CFAP65: variants seen among roughly 807,000 people sequenced by gnomAD.
CFAP65 encodes cilia- and flagella-associated protein 65.
Under a neutral mutation model 208.0 loss-of-function variants are expected in CFAP65, and 155 were observed. The ratio of observed to expected loss-of-function variants is 0.75; its 90% CI spans 0.65 to 0.85. CFAP65 has a LOEUF of 0.85. CFAP65 is among the 40% of genes least tolerant of loss of function. CFAP65 has a pLI of 0.00. For synonymous variants in CFAP65, 970 were observed against 986.3 expected (o/e 0.98, Z 0.31); for missense variants, 2,294 against 2,451.3 (o/e 0.94, Z 1.36).
At position 219,023,056 on chromosome 2, in the gene CFAP65, G is replaced by A. The variant is rs1421903268; in HGVS notation, c.2820+151C>T. On this transcript the variant is annotated intron_variant, in intron 16 of 34. Transcript: ENST00000341552. ...ATTTGTAAAATGGTGGGGGGATGGT[G>A]AGGGTAATAATAACACCTCATCGCC... The A allele has an allele frequency of 7.4e-6, 5 of 674,248 alleles. No homozygotes were observed. In the African/African-American group the frequency reaches 9.1e-5, roughly 12 times the overall value. 41.8% of individuals were successfully genotyped at this position (674,248 alleles called of 1,614,324 possible).
chr2:219,022,092 G>A (rs189093295), intron 17 of CFAP65, 79 bp downstream of exon 17: 35 of 1,513,304 alleles, frequency 2.3e-5, no homozygotes, highest in Non-Finnish European at 2.9e-5. Flanking sequence ...CTCCCACCTT[G>A]GGAGGTTCCC....
intron 13 of CFAP65, 68 bp downstream of exon 13, chr2:219,027,582 C>T: frequency 6.2e-7 from 1 of 1,613,162 alleles, no homozygotes; most frequent in Non-Finnish European, 8.5e-7. Context: ...CACTTCCTGC[C>T]ACCCCACCAA....
intron 13 of CFAP65, chr2:219,027,007 T>C: frequency 1.0e-6 from 1 of 993,046 alleles, no homozygotes; most frequent in African/African-American, 1.7e-5. Context: ...ACATAGCTGG[T>C]AAGTGACCCT....
rs141456868 is a variant in CFAP65 at position 219,026,093 on chromosome 2, G to A, written c.2278C>T (p.Arg760Trp). The change falls in exon 14 of 35, where the codon CGG (arginine) becomes TGG (tryptophan). Residue 760 changes from arginine (R) to tryptophan (W), a missense_variant. Coordinates refer to ENST00000341552, the MANE Select transcript of CFAP65 (RefSeq NM_194302.4). ...GCGAAATAGCTGTGGCCTCGTGCCCGCACCGTCAGGCACCAGGATGGGCAC... is the reference window on the plus strand; with the variant it reads ...GCGAAATAGCTGTGGCCTCGTGCCCACACCGTCAGGCACCAGGATGGGCAC... ...TMCPSWCLTV[R>W]ARGHSYFAGF... The A allele has an allele frequency of 6.8e-6, 11 of 1,613,936 alleles. No individual in the cohort carries two copies. The highest frequency in any genetic ancestry group is 1.7e-5 in the Admixed American group (1 of 60,002).
At position 219,031,182 on chromosome 2, in the gene CFAP65, G is replaced by A. The variant is rs1183026572; in HGVS notation, c.939C>T (p.Val313=). 1 of 1,612,346 alleles carries A rather than the reference G, an allele frequency of 6.2e-7. No individual in the cohort carries two copies. The highest frequency in any genetic ancestry group is 2.2e-5 in the East Asian group (1 of 44,860). ...AGCACGTGGCCTGCACCTCGTAGAT[G>A]ACGGCTGTAAGGGGCTGAAAGGTCA... ...IKVTFQPLTA[V]IYEVQATCWY... Residue 313 remains valine, a synonymous_variant, in exon 8 of 35, where the codon GTC becomes GTT. Coordinates refer to ENST00000341552, the MANE Select transcript of CFAP65 (RefSeq NM_194302.4). This position sits in a 1 kb window ranked among gnomAD's most constrained non-coding sequence, Gnocchi z 5.2.
Position 219,019,663 on chromosome 2 carries a change from G to C in CFAP65, c.3316C>G (p.Pro1106Ala). The change falls in exon 20 of 35, where the codon CCC (proline) becomes GCC (alanine). Residue 1106 changes from proline (P) to alanine (A), a missense_variant. By Grantham distance (27) the Pro-to-Ala change is conservative. This residue lies in a region of CFAP65 where 1,427 missense variants were observed against 1,438.7 expected (regional missense o/e 0.99). Coordinates refer to ENST00000341552, the MANE Select transcript of CFAP65 (RefSeq NM_194302.4). ...LCCVSLVAVY[P>A]LLSILDVSSM... ...CTGACATCCAGGATGGAAAGCAAGG[G>C]GTACACGGCCACCAGGGAGACGCAG... 1.9e-6 allele frequency: 3 copies of C among 1,613,710 alleles called. No homozygotes were observed. Among genetic ancestry groups the C allele is most frequent in the Non-Finnish European group, 2.5e-6 (3 of 1,180,026 alleles).
chr2:219,013,466 AG>A, intron 23 of CFAP65, 52 bp downstream of exon 23: 1 of 1,564,456 alleles, frequency 6.4e-7, no homozygotes, highest in Non-Finnish European at 8.7e-7. Context: ...CTGTCCAGCC[AG>A]CCCCCTCCTC....
rs538254191 is a variant in CFAP65, at chr2:219,022,043, G to A, written c.2980-113C>T. On this transcript the variant is annotated intron_variant, in intron 17 of 34. Coordinates refer to ENST00000341552, the MANE Select transcript of CFAP65 (RefSeq NM_194302.4). ...AAGGAAGGGCAAGTTTGGGGTATCCGGGGCAGAGGGCTCCTATCCTCTGCC... is the reference window on the plus strand; with the variant it reads ...AAGGAAGGGCAAGTTTGGGGTATCCAGGGCAGAGGGCTCCTATCCTCTGCC... 1.3e-5 allele frequency: 20 copies of A among 1,528,016 alleles called. No homozygotes were observed. In the East Asian group the frequency reaches 2.3e-4, roughly 17 times the overall value. 94.7% of individuals were successfully genotyped at this position (1,528,016 alleles called of 1,614,324 possible).
intron 21 of CFAP65, among the ~76,000 whole-genome samples, chr2:219,016,868 C>T (rs895857501): frequency 5.3e-5 from 8 of 152,252 alleles, no homozygotes; most frequent in Non-Finnish European, 1.2e-4. Flanking sequence ...CCTGTATGTC[C>T]TGGCCCCTGC....
In CFAP65 at chr2:219,022,196, C is replaced by A; in HGVS notation, c.2954G>T (p.Gly985Val). 1 of 1,603,584 alleles carries A rather than the reference C, an allele frequency of 6.2e-7. No individual in the cohort carries two copies. The highest frequency in any genetic ancestry group is 8.5e-7 in the Non-Finnish European group (1 of 1,175,396). ...AGAGAGGCTGCTGGTGAGCCCAACG[C>A]CCACCAGCCGGAGCATGTAGTGGGT... ...ATTHYMLRLV[G>V]VGLTSSLSAK... The change falls in exon 17 of 35, where the codon GGC (glycine) becomes GTC (valine). Residue 985 changes from glycine (G) to valine (V), a missense_variant. Gly to Val is a moderately radical substitution (Grantham distance 109, BLOSUM62 -3). Coordinates refer to ENST00000341552, the MANE Select transcript of CFAP65 (RefSeq NM_194302.4).
chr2:219,008,278 T>C (rs1012023802), intron 29 of CFAP65, among the ~76,000 whole-genome samples: 1 of 152,222 alleles, frequency 6.6e-6, no homozygotes, highest in Admixed American at 6.5e-5. Context: ...TGGATTATAC[T>C]GAAGCAAATC....
Position 219,005,563 on chromosome 2 carries a change from C to G in CFAP65, c.4923-1G>C. On this transcript the variant is annotated splice_acceptor_variant, in intron 31 of 34. Coordinates refer to ENST00000341552, the MANE Select transcript of CFAP65 (RefSeq NM_194302.4). LOFTEE classifies it high-confidence loss of function. ...GGGGGCCTTCCTCTTTGGCAGCTCC[C>G]TGTGGCAGCCATGACATTCTGAGTG... 1 of 1,611,038 alleles carries G rather than the reference C, an allele frequency of 6.2e-7. No homozygotes were observed. Among genetic ancestry groups the G allele is most frequent in the Non-Finnish European group, 8.5e-7 (1 of 1,179,618 alleles).
At chr2:219,040,980 T>C (rs1449575683) in intron 1 of CFAP65, among the ~76,000 whole-genome samples, 1 of 147,596 alleles carries the variant, frequency 6.8e-6, no homozygotes, top group African/African-American at 2.5e-5. Context: ...ACAAACACGT[T>C]ATAGTAATTA....
At chr2:219,016,960 C>T (rs888182151) in intron 21 of CFAP65, among the ~76,000 whole-genome samples, 2 of 152,266 alleles carry the variant, frequency 1.3e-5, no homozygotes, top group African/African-American at 2.4e-5. Flanking sequence ...GTCTGGAAGG[C>T]GCTTCACAAC....
chr2:219,030,383 T>C (rs1308048059), intron 9 of CFAP65, among the ~76,000 whole-genome samples, 175 bp from the exon 10 acceptor site: 1 of 152,212 alleles, frequency 6.6e-6, no homozygotes, highest in Non-Finnish European at 1.5e-5. Flanking sequence ...GACCGAGTCA[T>C]GTGCCCTGCG....
chr2:219,005,654 G>A (rs905777059), intron 31 of CFAP65, 92 bp from the exon 32 acceptor site: 1 of 1,491,302 alleles, frequency 6.7e-7, no homozygotes, highest in Admixed American at 1.8e-5. Flanking sequence ...CAGTGATGAG[G>A]ACACAGATGA....
Position 219,031,760 on chromosome 2 carries a change from G to T in CFAP65, c.646-102C>A. On this transcript the variant is annotated intron_variant, in intron 6 of 34. Transcript: ENST00000341552. This position sits in a 1 kb window ranked among gnomAD's most constrained non-coding sequence, Gnocchi z 5.2. ...ACCCCCAACACAACCGCTGAGGGGA[G>T]GGCCAGGCCGTGGCACCCACGTCAG... 7.0e-7 allele frequency: 1 copy of T among 1,427,058 alleles called. No individual in the cohort carries two copies. The highest frequency in any genetic ancestry group is 9.5e-7 in the Non-Finnish European group (1 of 1,057,944). The allele number at this position is 1,427,058 out of a possible 1,614,324, so 88.4% of individuals were successfully genotyped here. A position where few individuals can be genotyped will look rare whatever the true frequency, so the allele number is the denominator to read the frequency against.
At chr2:219,019,201 GT>G in intron 20 of CFAP65, 22 bp from the exon 21 acceptor site, 2 of 1,598,644 alleles carry the variant, frequency 1.3e-6, no homozygotes, top group East Asian at 4.5e-5. Flanking sequence ...AGAGAAAGGG[GT>G]TCAGAGATGG....
chr2:219,008,344 C>T (rs914879578), intron 29 of CFAP65, among the ~76,000 whole-genome samples: 1 of 152,166 alleles, frequency 6.6e-6, no homozygotes, highest in African/African-American at 2.4e-5. Context: ...TGAGATGTTA[C>T]ATAGGTTGAC....
Sources: allele counts gnomAD v4.1 joint callset (sites outside exome capture counted in the v4.1 genomes callset), GRCh38; gene constraint gnomAD v4.1.1; regional missense constraint gnomAD v4.1.1; non-coding constraint Gnocchi (gnomAD v3.1); transcripts MANE v1.5; gene names NCBI Gene and HGNC (gene_info 2026-07-23, HGNC 2026-07-21).